The following NIM1K variants were observed in gnomAD, a reference collection of about 807,000 sequenced individuals.
The protein encoded by NIM1K is NIM1 serine/threonine protein kinase.
NIM1K carries 35 observed loss-of-function variants against 37.1 expected under a neutral mutation model. The ratio of observed to expected loss-of-function variants is 0.94; its 90% CI spans 0.72 to 1.25. The LOEUF (loss-of-function observed/expected upper bound fraction) is 1.25, where lower values mean the gene tolerates loss of function less well. NIM1K is among the 50% of genes most tolerant of loss of function. NIM1K has a pLI of 0.00. For synonymous variants in NIM1K, 234 were observed against 206.6 expected (o/e 1.13, Z -1.14); for missense variants, 564 against 548.0 (o/e 1.03, Z -0.29).
intron 1 of NIM1K, among the ~76,000 whole-genome samples, chr5:43,203,580 T>A (rs757696786): frequency 1.2e-4 from 18 of 152,228 alleles, no homozygotes; most frequent in Non-Finnish European, 2.4e-4. Context: ...GGCTGCCCAA[T>A]TCATGAATAA....
intron 1 of NIM1K, among the ~76,000 whole-genome samples, chr5:43,242,180 T>C (rs761031789): frequency 8.6e-5 from 13 of 152,004 alleles, no homozygotes; most frequent in Non-Finnish European, 1.3e-4. Flanking sequence ...AGACTGATCA[T>C]ATTTGGCAAT....
chr5:43,272,526 G>A (rs918094778), intron 2 of NIM1K, among the ~76,000 whole-genome samples: 2 of 152,114 alleles, frequency 1.3e-5, no homozygotes, highest in African/African-American at 4.8e-5. Flanking sequence ...CCCTTGCAGG[G>A]GAAGGAAGGA....
intron 2 of NIM1K, among the ~76,000 whole-genome samples, chr5:43,262,482 C>T (rs367739035): frequency 2.0e-5 from 3 of 152,188 alleles, no homozygotes; most frequent in East Asian, 1.9e-4. Context: ...TGCTGAAGTT[C>T]TTTATCAGCT....
At position 43,277,165 on chromosome 5, in the gene NIM1K, T is replaced by C. The variant is rs1485627300; in HGVS notation, c.401T>C (p.Ile134Thr). 12 of 1,613,928 alleles carry C rather than the reference T, an allele frequency of 7.4e-6. No homozygotes were observed. The highest frequency in any genetic ancestry group is 5.3e-5 in the African/African-American group (4 of 74,884). ...GAAAAGCTGCACCATCCCAACATCA[T>C]CCGCCTTTACGAAGTGGTGGAGACC... ...SMEKLHHPNI[I>T]RLYEVVETLS... The change falls in exon 3 of 4, where the codon ATC becomes ACC. Residue 134 changes from isoleucine (I) to threonine (T), a missense_variant. Transcript: ENST00000326035.
intron 1 of NIM1K, among the ~76,000 whole-genome samples, chr5:43,204,586 C>T (rs1241934254): frequency 6.6e-6 from 1 of 151,518 alleles, no homozygotes; most frequent in African/African-American, 2.4e-5. Flanking sequence ...GTGCCTGTAA[C>T]CCCAGTGACT....
chr5:43,207,524 G>C, intron 1 of NIM1K: 1 of 715,558 alleles, frequency 1.4e-6, no homozygotes, highest in Non-Finnish European at 2.6e-6. Context: ...TTTAACAGCT[G>C]TTCCAATCTC....
intron 2 of NIM1K, among the ~76,000 whole-genome samples, chr5:43,274,258 G>T (rs924783641): frequency 6.6e-6 from 1 of 152,202 alleles, no homozygotes; most frequent in African/African-American, 2.4e-5. Flanking sequence ...CTAGGGTGGT[G>T]CTAAAGGGAC....
At chr5:43,208,467 G>T (rs948347225) in intron 1 of NIM1K, among the ~76,000 whole-genome samples, 1 of 152,058 alleles carries the variant, frequency 6.6e-6, no homozygotes, top group African/African-American at 2.4e-5. Flanking sequence ...GCCGGGCGTG[G>T]TGGCAGACAC....
intron 2 of NIM1K, among the ~76,000 whole-genome samples, chr5:43,247,099 G>C (rs1446822381): frequency 6.6e-6 from 1 of 151,614 alleles, no homozygotes; most frequent in Non-Finnish European, 1.5e-5. Flanking sequence ...AATCCCTGTT[G>C]TTGGCCTTTA....
chr5:43,199,204 A>AAAAAAAAATATAT (rs1200134957), intron 1 of NIM1K, among the ~76,000 whole-genome samples: 39 of 94,034 alleles, frequency 4.1e-4, no homozygotes, highest in Non-Finnish European at 5.9e-4. Flanking sequence ...AAAAAAAAAA[A>AAAAAAAAATATAT]ATATATATAT....
chr5:43,234,989 A>G (rs1395827036), intron 1 of NIM1K, among the ~76,000 whole-genome samples: 2 of 152,216 alleles, frequency 1.3e-5, no homozygotes, highest in Non-Finnish European at 2.9e-5. Flanking sequence ...TTTAAGGATT[A>G]ATGTTTGATC....
chr5:43,235,666 A>C (rs1225249158), intron 1 of NIM1K, among the ~76,000 whole-genome samples: 1 of 152,254 alleles, frequency 6.6e-6, no homozygotes, highest in Non-Finnish European at 1.5e-5. Context: ...GTATTCAGTA[A>C]GGATGAATTA....
At chr5:43,215,510 C>G (rs537602039) in intron 1 of NIM1K, among the ~76,000 whole-genome samples, 1 of 152,302 alleles carries the variant, frequency 6.6e-6, no homozygotes, top group African/African-American at 2.4e-5. Flanking sequence ...TCTCGGCTCA[C>G]GCAGTCCCCG....
At chr5:43,242,118 C>T (rs952255868) in intron 1 of NIM1K, among the ~76,000 whole-genome samples, 15 of 151,916 alleles carry the variant, frequency 9.9e-5, no homozygotes, top group Non-Finnish European at 1.2e-4. Flanking sequence ...GGTTCAAGAC[C>T]GTTTTGCAAG....
intron 1 of NIM1K, among the ~76,000 whole-genome samples, chr5:43,222,280 A>G (rs1357386107): frequency 6.6e-6 from 1 of 152,232 alleles, no homozygotes; most frequent in East Asian, 1.9e-4. Context: ...GAGGAAAGAC[A>G]GGATGAATTT....
chr5:43,218,508 G>A (rs1264327524), intron 1 of NIM1K, among the ~76,000 whole-genome samples: 1 of 152,128 alleles, frequency 6.6e-6, no homozygotes, highest in Non-Finnish European at 1.5e-5. Flanking sequence ...GGCAAGAGGA[G>A]CCAAGGTGGC....
chr5:43,267,933 G>C (rs1421747597), intron 2 of NIM1K, among the ~76,000 whole-genome samples: 3 of 152,106 alleles, frequency 2.0e-5, no homozygotes, highest in Non-Finnish European at 2.9e-5. Context: ...ATAGTTTTTG[G>C]GTAGGATGTT....
In NIM1K at chr5:43,207,490, A is replaced by G. The variant is rs768348207; in HGVS notation, c.-695+15079A>G. 7 of 740,270 alleles carry G rather than the reference A, an allele frequency of 9.5e-6. No homozygotes were observed. The East Asian group carries it at 1.4e-4, about 14-fold the overall frequency. The allele number at this position is 740,270 out of a possible 1,614,324, so 45.9% of individuals were successfully genotyped here. On this transcript the variant is annotated intron_variant, in intron 1 of 3. Coordinates refer to ENST00000326035, the MANE Select transcript of NIM1K (RefSeq NM_153361.4). ...TGAAGAGGTACACCAAAGAAGGGAG[A>G]TAATTTTATTATGTGATTAATGATT...
intron 3 of NIM1K, among the ~76,000 whole-genome samples, chr5:43,279,190 C>T (rs989661905): frequency 4.6e-5 from 7 of 152,294 alleles, no homozygotes; most frequent in Middle Eastern, 6.8e-3. Flanking sequence ...GCACTGTTCT[C>T]ATCATACGTA....
Sources: allele counts gnomAD v4.1 joint callset (sites outside exome capture counted in the v4.1 genomes callset), GRCh38; gene constraint gnomAD v4.1.1; transcripts MANE v1.5; gene names NCBI Gene and HGNC (gene_info 2026-07-23, HGNC 2026-07-21).